Variants in KLHL32 observed in about 807,000 individuals in gnomAD.
KLHL32 encodes the protein kelch like family member 32, also known as kelch-like protein 32.
Under a neutral mutation model 64.8 loss-of-function variants are expected in KLHL32, and 35 were observed. That is an observed-to-expected ratio of 0.54 (90% CI 0.41 to 0.72). KLHL32 has a LOEUF of 0.72. KLHL32 is among the 30% of genes least tolerant of loss of function. The pLI is 0.00. For missense variants in KLHL32, 589 were observed against 768.5 expected, an observed-to-expected ratio of 0.77 and a Z score of 2.76; for synonymous variants, 259 against 281.0, an observed-to-expected ratio of 0.92 and a Z score of 0.78.
intron 3 of KLHL32, among the ~76,000 whole-genome samples, chr6:96,990,562 T>G (rs1777733017): frequency 6.6e-6 from 1 of 152,204 alleles, no homozygotes; most frequent in Admixed American, 6.5e-5. Context: ...GGGTGCACAC[T>G]GCAGCTCTGG....
intron 3 of KLHL32, among the ~76,000 whole-genome samples, chr6:97,021,188 CTTTAGG>C (rs1781939871): frequency 6.6e-6 from 1 of 150,698 alleles, no homozygotes; most frequent in Admixed American, 6.6e-5. Context: ...TTAACTTTTA[CTTTAGG>C]TTTAGGGGCA....
rs58976345 is a variant in KLHL32, at chr6:97,097,860, C to T, written c.627+12519C>T. Among the ~76,000 whole-genome samples the T allele has an allele frequency of 8.3e-3, 1,259 of 152,272 alleles. 19 individuals carry two copies. Among genetic ancestry groups the T allele is most frequent in the African/African-American group, 0.028 (1,174 of 41,550 alleles). ...CTCACACAGTTGTTCTGCCCTGTTTCGCACAGTAACCAGCAAATGCAGTAA... is the reference window on the plus strand; with the variant it reads ...CTCACACAGTTGTTCTGCCCTGTTTTGCACAGTAACCAGCAAATGCAGTAA... On this transcript the variant is annotated intron_variant, in intron 6 of 10. Transcript: ENST00000369261.
At chr6:97,084,171 TTA>T (rs1393329987) in intron 5 of KLHL32, among the ~76,000 whole-genome samples, 3 of 152,244 alleles carry the variant, frequency 2.0e-5, no homozygotes, top group Non-Finnish European at 4.4e-5. Context: ...TCTGATAGCA[TTA>T]TACATTCCTC....
At chr6:96,971,525 G>A (rs568739160) in intron 2 of KLHL32, among the ~76,000 whole-genome samples, 23 of 152,188 alleles carry the variant, frequency 1.5e-4, no homozygotes, top group Admixed American at 3.3e-4. Flanking sequence ...CTGAGACCTC[G>A]TTTATTTATT....
At chr6:97,094,777 C>T (rs534645565) in intron 6 of KLHL32, among the ~76,000 whole-genome samples, 19 of 152,230 alleles carry the variant, frequency 1.2e-4, no homozygotes, top group African/African-American at 3.9e-4. Flanking sequence ...GTAAGTGGCA[C>T]GGTATTACTT....
chr6:97,046,119 A>C (rs1272297821), intron 4 of KLHL32, among the ~76,000 whole-genome samples: 3 of 152,136 alleles, frequency 2.0e-5, no homozygotes, highest in Non-Finnish European at 4.4e-5. Flanking sequence ...CATCTGTTCA[A>C]ATTGTGTGCT....
chr6:97,047,275 A>G (rs996288780), intron 4 of KLHL32, among the ~76,000 whole-genome samples: 3 of 152,260 alleles, frequency 2.0e-5, no homozygotes, highest in African/African-American at 4.8e-5. Flanking sequence ...AATGAGAAAT[A>G]TGCCCTTCTT....
chr6:96,945,887 G>T (rs564097782), intron 1 of KLHL32, among the ~76,000 whole-genome samples: 1 of 152,278 alleles, frequency 6.6e-6, no homozygotes, highest in South Asian at 2.1e-4. Context: ...GGCTGACAGG[G>T]TGATTATGGT....
At chr6:97,075,579 G>A (rs1252279445) in intron 5 of KLHL32, among the ~76,000 whole-genome samples, 1 of 152,042 alleles carries the variant, frequency 6.6e-6, no homozygotes, top group East Asian at 1.9e-4. Context: ...CTGATCCCAA[G>A]GCTATTAAAA....
At chr6:97,066,243 GAC>G (rs1789723248) in intron 5 of KLHL32, among the ~76,000 whole-genome samples, 1 of 152,188 alleles carries the variant, frequency 6.6e-6, no homozygotes. Context: ...GATGCATGCT[GAC>G]ACAGTTTGGT....
chr6:97,046,044 C>T (rs1785873181), intron 4 of KLHL32, among the ~76,000 whole-genome samples: 1 of 152,120 alleles, frequency 6.6e-6, no homozygotes, highest in Admixed American at 6.5e-5. Flanking sequence ...GTCCAAACAC[C>T]AGAGACTTAT....
chr6:97,027,356 G>A (rs760044976), intron 3 of KLHL32, among the ~76,000 whole-genome samples: 8 of 152,096 alleles, frequency 5.3e-5, no homozygotes, highest in Non-Finnish European at 8.8e-5. Context: ...CGGGGCTGCA[G>A]GAAGCCATTA....
intron 6 of KLHL32, among the ~76,000 whole-genome samples, chr6:97,094,867 T>C (rs1486376581): frequency 6.6e-6 from 1 of 152,194 alleles, no homozygotes; most frequent in African/African-American, 2.4e-5. Context: ...GTGTTCTTGT[T>C]GATGAGGAAT....
intron 1 of KLHL32, among the ~76,000 whole-genome samples, chr6:96,938,806 A>C (rs116357968): frequency 1.3e-3 from 200 of 152,272 alleles, no homozygotes; most frequent in African/African-American, 4.7e-3. Flanking sequence ...CTGCAGTATA[A>C]TCATGTGACC....
At chr6:97,111,034 G>GGGA (rs1797053732) in intron 6 of KLHL32, among the ~76,000 whole-genome samples, 1 of 148,494 alleles carries the variant, frequency 6.7e-6, no homozygotes, top group African/African-American at 2.6e-5. Context: ...AAGTCTTGGG[G>GGGA]GGGGGGGGTC....
At chr6:96,934,579 G>A (rs1357853099) in intron 1 of KLHL32, among the ~76,000 whole-genome samples, 1 of 152,218 alleles carries the variant, frequency 6.6e-6, no homozygotes, top group African/African-American at 2.4e-5. Flanking sequence ...AAGTCTTGAT[G>A]TGTGATTAAC....
At position 97,100,966 on chromosome 6, in the gene KLHL32, C is replaced by CTTTTT. The variant is rs58422496; in HGVS notation, c.628-12800_628-12796dup. ...ACAGGCATGTGCCACTGCAGCCAAG[C>CTTTTT]TTTTTTTTTTTTTTTTTTTTTGGTA... On this transcript the variant is annotated intron_variant, in intron 6 of 10. Coordinates refer to ENST00000369261, the MANE Select transcript of KLHL32 (RefSeq NM_052904.4). 3.7e-3 allele frequency among the ~76,000 whole-genome samples: 255 copies of CTTTTT among 69,464 alleles called. 42 individuals are homozygous for CTTTTT. The highest frequency in any genetic ancestry group is 0.016 in the African/African-American group (228 of 14,088). 45.6% of individuals were successfully genotyped at this position (69,464 alleles called of 152,430 possible).
At chr6:96,952,281 T>A (rs1161785622) in intron 1 of KLHL32, among the ~76,000 whole-genome samples, 1 of 152,228 alleles carries the variant, frequency 6.6e-6, no homozygotes, top group Non-Finnish European at 1.5e-5. Context: ...TTAATTTCAT[T>A]GTTTAATATT....
intron 1 of KLHL32, among the ~76,000 whole-genome samples, chr6:96,949,761 T>C (rs943846213): frequency 3.9e-5 from 6 of 152,138 alleles, no homozygotes; most frequent in Admixed American, 2.6e-4. Context: ...TTTCTCTCTT[T>C]TTTTCCCCTC....
Sources: allele counts gnomAD v4.1 joint callset (sites outside exome capture counted in the v4.1 genomes callset), GRCh38; gene constraint gnomAD v4.1.1; transcripts MANE v1.5; gene names NCBI Gene and HGNC (gene_info 2026-07-23, HGNC 2026-07-21).